The following CNTNAP3B variants were observed in gnomAD, a reference collection of about 807,000 sequenced individuals.
The protein encoded by CNTNAP3B is contactin-associated protein-like 3B.
CNTNAP3B carries 25 observed loss-of-function variants against 108.9 expected under a neutral mutation model. The observed-to-expected ratio is 0.23, with a 90% CI of 0.17 to 0.32. The LOEUF (loss-of-function observed/expected upper bound fraction) is 0.32, where lower values mean the gene tolerates loss of function less well. CNTNAP3B is among the 10% of genes least tolerant of loss of function. The pLI, the probability that CNTNAP3B is intolerant of heterozygous loss-of-function variation, is 1.00. For synonymous variants in CNTNAP3B, 103 were observed against 473.4 expected (o/e 0.22, Z 10.16); for missense variants, 252 against 1,210.4 (o/e 0.21, Z 11.75).
At position 42,097,282 on chromosome 9, in the gene CNTNAP3B, G is replaced by A. The variant is rs1378866453; in HGVS notation, c.196+7347C>T. ...CACAGCAGGCATGGAAAATGGGGAT[G>A]AGTGCGTCCAAGTTAGTTCCAATTT... On this transcript the variant is annotated intron_variant, in intron 2 of 23. Coordinates refer to ENST00000377561, the MANE Select transcript of CNTNAP3B (RefSeq NM_001201380.3). 1.4e-5 allele frequency among the ~76,000 whole-genome samples: 2 copies of A among 140,294 alleles called. 1 individual carries two copies. Among genetic ancestry groups the A allele is most frequent in the Non-Finnish European group, 3.1e-5 (2 of 65,212 alleles). 92.0% of individuals were successfully genotyped at this position (140,294 alleles called of 152,430 possible).
rs1235726186 is a variant in CNTNAP3B at position 42,104,578 on chromosome 9, A to G, written c.196+51T>C. On this transcript the variant is annotated intron_variant, in intron 2 of 23. Coordinates refer to ENST00000377561, the MANE Select transcript of CNTNAP3B (RefSeq NM_001201380.3). The stretch of plus-strand genomic sequence containing the variant: ...CAATTATAATTATTTTGTTAAAAGA[A>G]AATCCAATGAGAGTCACCAAGGAGC... 4.3e-6 allele frequency: 5 copies of G among 1,172,438 alleles called. 1 individual carries two copies. The highest frequency in any genetic ancestry group is 6.0e-6 in the Non-Finnish European group (5 of 830,692). 72.6% of individuals were successfully genotyped at this position (1,172,438 alleles called of 1,614,324 possible).
intron 15 of CNTNAP3B, among the ~76,000 whole-genome samples, chr9:41,926,239 C>T (rs1823815700): frequency 6.6e-6 from 1 of 152,182 alleles, no homozygotes; most frequent in Non-Finnish European, 1.5e-5. Flanking sequence ...CATATTTGCT[C>T]ATTCCCCAGT....
chr9:42,041,354 T>C (rs1826748289), intron 3 of CNTNAP3B, among the ~76,000 whole-genome samples: 1 of 150,930 alleles, frequency 6.6e-6, no homozygotes, highest in Admixed American at 6.6e-5. Flanking sequence ...AAAGGGCTAA[T>C]ATCCAGAATC....
rs1441166880 is a variant in CNTNAP3B, at chr9:42,107,675, C to T, written c.86-2936G>A. ...CTGGCACAGGCTTGAATAAATCTTG[C>T]CCTTCAGAAAGGCAATAAATTCGGG... On this transcript the variant is annotated intron_variant, in intron 1 of 23. Transcript: ENST00000377561. Among the ~76,000 whole-genome samples, 12 of 136,138 alleles carry T rather than the reference C, an allele frequency of 8.8e-5. 1 individual carries two copies. The highest frequency in any genetic ancestry group is 1.1e-4 in the Non-Finnish European group (7 of 64,224). 89.3% of individuals were successfully genotyped at this position (136,138 alleles called of 152,430 possible). A position where few individuals can be genotyped will look rare whatever the true frequency, so the allele number is the denominator to read the frequency against.
chr9:42,125,031 G>A lies in CNTNAP3B; in HGVS notation c.85+3979C>T, dbSNP rs1220250750. On this transcript the variant is annotated intron_variant, in intron 1 of 23. Transcript: ENST00000377561. ...CATTTGATTTTGAAACCAATTTACAGAAAACATGGAAGAACTATGCTAATA... is the reference window on the plus strand; with the variant it reads ...CATTTGATTTTGAAACCAATTTACAAAAAACATGGAAGAACTATGCTAATA... Among the ~76,000 whole-genome samples the A allele has an allele frequency of 6.9e-5, 9 of 129,498 alleles. No homozygotes were observed. In the Admixed American group the frequency reaches 7.0e-4, roughly 10 times the overall value. The allele number at this position is 129,498 out of a possible 152,430, so 85.0% of individuals were successfully genotyped here. A position where few individuals can be genotyped will look rare whatever the true frequency, so the allele number is the denominator to read the frequency against.
chr9:41,941,565 A>G (rs181216304), intron 13 of CNTNAP3B, among the ~76,000 whole-genome samples: 93,423 of 115,720 alleles, frequency 0.81, 36,003 homozygotes, highest in Non-Finnish European at 0.85. Flanking sequence ...CTGATATGAC[A>G]TTAAGAGTCT....
At chr9:41,961,954 T>C (rs1825107452) in intron 11 of CNTNAP3B, among the ~76,000 whole-genome samples, 1 of 152,304 alleles carries the variant, frequency 6.6e-6, no homozygotes, top group African/African-American at 2.4e-5. Context: ...TATTTGTATA[T>C]GTCTGGTAGG....
At chr9:41,924,644 T>TGCGCGCAC (rs1482014228) in intron 15 of CNTNAP3B, among the ~76,000 whole-genome samples, 1 of 95,518 alleles carries the variant, frequency 1.0e-5, no homozygotes, top group East Asian at 2.6e-4. Context: ...CTTTCCTTCC[T>TGCGCGCAC]GCACACACAC....
rs540404889 is a variant in CNTNAP3B, at chr9:42,115,563, C to T, written c.86-10824G>A. Among the ~76,000 whole-genome samples, 51 of 135,734 alleles carry T rather than the reference C, an allele frequency of 3.8e-4. 9 individuals are homozygous for T. In the South Asian group the frequency reaches 7.3e-3, roughly 19 times the overall value. 89.0% of individuals were successfully genotyped at this position (135,734 alleles called of 152,430 possible). On this transcript the variant is annotated intron_variant, in intron 1 of 23. Coordinates refer to ENST00000377561, the MANE Select transcript of CNTNAP3B (RefSeq NM_001201380.3). ...AACATTTGCCATTCTGCAATATTTGCTGTTCTGCAGCCTCTGCTGGTGATA... is the reference window on the plus strand; with the variant it reads ...AACATTTGCCATTCTGCAATATTTGTTGTTCTGCAGCCTCTGCTGGTGATA...
At chr9:42,044,269 T>A (rs1470674895) in intron 3 of CNTNAP3B, among the ~76,000 whole-genome samples, 1 of 151,330 alleles carries the variant, frequency 6.6e-6, no homozygotes, top group Non-Finnish European at 1.5e-5. Context: ...TCATCACAGG[T>A]GTGTATGTAT....
intron 14 of CNTNAP3B, among the ~76,000 whole-genome samples, chr9:41,932,244 G>A (rs970429134): frequency 2.0e-5 from 3 of 151,990 alleles, no homozygotes; most frequent in South Asian, 2.1e-4. Flanking sequence ...GCTTTCATAG[G>A]TACCATAATC....
intron 14 of CNTNAP3B, among the ~76,000 whole-genome samples, chr9:41,934,811 T>C (rs1375547777): frequency 6.6e-6 from 1 of 152,288 alleles, no homozygotes; most frequent in Non-Finnish European, 1.5e-5. Flanking sequence ...GGTTTTTAAA[T>C]GAACAGAGTT....
intron 7 of CNTNAP3B, among the ~76,000 whole-genome samples, chr9:41,995,393 CTG>C (rs1369687714): frequency 1.1e-4 from 7 of 63,852 alleles, no homozygotes; most frequent in Non-Finnish European, 2.9e-5. Flanking sequence ...TGAGCCAAGA[CTG>C]TACCGCTGCA....
chr9:42,096,401 C>G (rs1170266031), intron 2 of CNTNAP3B, among the ~76,000 whole-genome samples: 1 of 139,810 alleles, frequency 7.2e-6, no homozygotes, highest in African/African-American at 2.8e-5. Context: ...CCCTTTCAAA[C>G]TTTTTCTACC....
chr9:42,041,377 A>C (rs1310540376), intron 3 of CNTNAP3B, among the ~76,000 whole-genome samples: 2 of 151,568 alleles, frequency 1.3e-5, no homozygotes, highest in Non-Finnish European at 2.9e-5. Flanking sequence ...CAAAGAATTT[A>C]AACAAATTTA....
At chr9:42,113,925 C>G (rs1387319027) in intron 1 of CNTNAP3B, among the ~76,000 whole-genome samples, 1 of 137,714 alleles carries the variant, frequency 7.3e-6, no homozygotes, top group Non-Finnish European at 1.5e-5. Flanking sequence ...TATACACCTA[C>G]TATGCAACCA....
chr9:42,094,316 GA>G (rs1827855749), intron 2 of CNTNAP3B, among the ~76,000 whole-genome samples: 1 of 132,732 alleles, frequency 7.5e-6, no homozygotes, highest in African/African-American at 3.1e-5. Context: ...AGAGAACTAA[GA>G]ATGGTTTTAC....
intron 14 of CNTNAP3B, among the ~76,000 whole-genome samples, chr9:41,931,624 T>C (rs1488325843): frequency 6.6e-6 from 1 of 150,590 alleles, no homozygotes; most frequent in Non-Finnish European, 1.5e-5. Context: ...ATTCTGTTAT[T>C]CATTTTAATG....
intron 10 of CNTNAP3B, among the ~76,000 whole-genome samples, chr9:41,967,813 T>A (rs1376562268): frequency 2.0e-5 from 3 of 152,284 alleles, no homozygotes; most frequent in Admixed American, 2.0e-4. Flanking sequence ...GTAAATAGCC[T>A]TTATTTGTAG....
Sources: allele counts gnomAD v4.1 joint callset (sites outside exome capture counted in the v4.1 genomes callset), GRCh38; gene constraint gnomAD v4.1.1; transcripts MANE v1.5; gene names NCBI Gene and HGNC (gene_info 2026-07-23, HGNC 2026-07-21).